Variants in CADM2 observed in about 807,000 individuals in gnomAD.
CADM2 encodes the protein cell adhesion molecule 2, also known as immunoglobulin superfamily member 4D.
A neutral mutation model predicts 49.8 loss-of-function variants in CADM2; 12 were observed. The observed-to-expected ratio is 0.24, with a 90% CI of 0.15 to 0.39. The LOEUF (loss-of-function observed/expected upper bound fraction) is 0.39, where lower values mean the gene tolerates loss of function less well. Among genes scored for constraint, CADM2 ranks in the 10% least tolerant of loss-of-function variants. CADM2 has a pLI of 1.00. For missense variants in CADM2, 378 were observed against 492.3 expected (o/e 0.77, Z 2.20); for synonymous variants, 214 against 175.4 (o/e 1.22, Z -1.74).
intron 1 of CADM2, among the ~76,000 whole-genome samples, chr3:85,009,268 A>G (rs1353327751): frequency 6.6e-6 from 1 of 152,212 alleles, no homozygotes; most frequent in Admixed American, 6.5e-5. Context: ...CAAAAGATTA[A>G]TAGAGAATAA....
chr3:85,472,901 T>G (rs2038828133), intron 1 of CADM2, among the ~76,000 whole-genome samples: 1 of 152,216 alleles, frequency 6.6e-6, no homozygotes, highest in African/African-American at 2.4e-5. Context: ...TCTGTTCTAT[T>G]AATATCACAA....
At chr3:85,513,372 TAATC>T (rs1465579076) in intron 1 of CADM2, among the ~76,000 whole-genome samples, 1 of 152,024 alleles carries the variant, frequency 6.6e-6, no homozygotes, top group Non-Finnish European at 1.5e-5. Flanking sequence ...GTATTTTAAT[TAATC>T]AAGACCCATC....
chr3:85,089,978 A>C (rs765780527), intron 1 of CADM2, among the ~76,000 whole-genome samples: 10 of 152,142 alleles, frequency 6.6e-5, no homozygotes, highest in Non-Finnish European at 1.3e-4. Flanking sequence ...GTGCTGTGAA[A>C]TTATTCAGAA....
At chr3:85,862,900 T>A (rs1364414884) in intron 3 of CADM2, among the ~76,000 whole-genome samples, 1 of 152,150 alleles carries the variant, frequency 6.6e-6, no homozygotes, top group Non-Finnish European at 1.5e-5. Flanking sequence ...ACTCAAATTT[T>A]TTTTTACCTG....
intron 1 of CADM2, among the ~76,000 whole-genome samples, chr3:85,309,260 T>G (rs961363833): frequency 6.6e-6 from 1 of 152,148 alleles, no homozygotes; most frequent in African/African-American, 2.4e-5. Flanking sequence ...TTCAGGTGAA[T>G]AAGAATACAA....
intron 1 of CADM2, among the ~76,000 whole-genome samples, chr3:85,101,271 C>A (rs1334127492): frequency 6.6e-6 from 1 of 151,900 alleles, no homozygotes; most frequent in African/African-American, 2.4e-5. Context: ...AACAAACAAA[C>A]AAAAAACAAA....
At chr3:85,655,458 C>A (rs2065167992) in intron 1 of CADM2, among the ~76,000 whole-genome samples, 1 of 151,892 alleles carries the variant, frequency 6.6e-6, no homozygotes, top group Non-Finnish European at 1.5e-5. Context: ...CATGCCCAGC[C>A]CCGCTTGGTA....
At chr3:85,007,674 A>C (rs73139661) in intron 1 of CADM2, among the ~76,000 whole-genome samples, 13,749 of 152,266 alleles carry the variant, frequency 0.09, 838 homozygotes, top group Non-Finnish European at 0.14. Context: ...AGTTCTGAAC[A>C]CAAACACAAA....
chr3:85,995,961 T>G (rs906136242), intron 8 of CADM2, among the ~76,000 whole-genome samples: 36 of 151,300 alleles, frequency 2.4e-4, no homozygotes, highest in Middle Eastern at 3.4e-3. Flanking sequence ...GTGGTGGCGG[T>G]CGCCTGTAGT....
At chr3:85,034,192 C>G (rs1375647010) in intron 1 of CADM2, among the ~76,000 whole-genome samples, 1 of 152,110 alleles carries the variant, frequency 6.6e-6, no homozygotes, top group African/African-American at 2.4e-5. Context: ...CTGTGTCACC[C>G]TGTTGTGCTG....
intron 8 of CADM2, among the ~76,000 whole-genome samples, chr3:86,020,802 AT>A (rs1318323951): frequency 1.3e-5 from 2 of 152,292 alleles, no homozygotes; most frequent in East Asian, 3.9e-4. Context: ...TCATGCTAAA[AT>A]CTCTCAATAA....
chr3:85,197,806 C>T (rs1289992242), intron 1 of CADM2, among the ~76,000 whole-genome samples: 2 of 151,814 alleles, frequency 1.3e-5, no homozygotes, highest in African/African-American at 4.8e-5. Context: ...TTTACATGTG[C>T]CTCTTAGGAG....
chr3:85,570,731 A>G (rs1576832566), intron 1 of CADM2, among the ~76,000 whole-genome samples: 1 of 152,322 alleles, frequency 6.6e-6, no homozygotes, highest in South Asian at 2.1e-4. Context: ...AGAATTCCAG[A>G]TTCTTCTATT....
chr3:86,016,459 C>T (rs899291929), intron 8 of CADM2, among the ~76,000 whole-genome samples: 1 of 151,978 alleles, frequency 6.6e-6, no homozygotes, highest in African/African-American at 2.4e-5. Flanking sequence ...AGGTTAATGA[C>T]ATGTAAGGAA....
chr3:85,119,889 G>A (rs144185364), intron 1 of CADM2, among the ~76,000 whole-genome samples: 1 of 152,276 alleles, frequency 6.6e-6, no homozygotes, highest in East Asian at 1.9e-4. Context: ...TAGCGTCAGA[G>A]TGAACAGGCA....
intron 8 of CADM2, among the ~76,000 whole-genome samples, chr3:86,063,868 T>C (rs1054660153): frequency 1.3e-5 from 2 of 152,048 alleles, no homozygotes; most frequent in African/African-American, 4.8e-5. Context: ...TCCGCAACAA[T>C]GAACCTGGGA....
chr3:86,065,416 T>A (rs989441446), intron 8 of CADM2, among the ~76,000 whole-genome samples, 189 bp from the exon 9 acceptor site: 1 of 152,242 alleles, frequency 6.6e-6, no homozygotes, highest in African/African-American at 2.4e-5. Context: ...TAGTGATTGA[T>A]ATATCAAATG....
At chr3:85,030,808 T>C (rs918503945) in intron 1 of CADM2, among the ~76,000 whole-genome samples, 11 of 152,156 alleles carry the variant, frequency 7.2e-5, no homozygotes, top group Non-Finnish European at 1.6e-4. Context: ...TGAAACTCTT[T>C]CCGTCTCTCC....
intron 1 of CADM2, among the ~76,000 whole-genome samples, chr3:85,240,968 A>G (rs2042518241): frequency 2.0e-5 from 3 of 151,598 alleles, no homozygotes. Context: ...TCAAGCATTT[A>G]TCACTAATGT....
Sources: gnomAD v4.1 joint callset for allele counts (sites outside exome capture counted in the v4.1 genomes callset) on GRCh38, gnomAD v4.1.1 for gene constraint, MANE v1.5 for transcripts, NCBI Gene and HGNC (gene_info 2026-07-23, HGNC 2026-07-21) for gene names.